The following SPATA6 variants were observed in gnomAD, a reference collection of about 807,000 sequenced individuals.
The protein encoded by SPATA6 is spermatogenesis-associated protein 6.
A neutral mutation model predicts 65.3 loss-of-function variants in SPATA6; 56 were observed. The ratio of observed to expected loss-of-function variants is 0.86; its 90% CI spans 0.69 to 1.07. The LOEUF (loss-of-function observed/expected upper bound fraction) is 1.07, where lower values mean the gene tolerates loss of function less well. SPATA6 is among the 50% of genes least tolerant of loss of function. The pLI is 0.00. For synonymous variants in SPATA6, 199 were observed against 213.2 expected (o/e 0.93, Z 0.58); for missense variants, 590 against 594.8 (o/e 0.99, Z 0.08).
intron 11 of SPATA6, among the ~76,000 whole-genome samples, chr1:48,314,201 T>C (rs1645326834): frequency 6.6e-6 from 1 of 152,184 alleles, no homozygotes; most frequent in African/African-American, 2.4e-5. Flanking sequence ...CTAATAGACA[T>C]CTACAGAACT....
chr1:48,319,495 A>G (rs1645537509), intron 11 of SPATA6, among the ~76,000 whole-genome samples: 1 of 152,174 alleles, frequency 6.6e-6, no homozygotes, highest in Admixed American at 6.5e-5. Flanking sequence ...TAACACTTCA[A>G]GTAGATTGTC....
At chr1:48,290,351 A>C in the SPATA6 span, among the ~76,000 whole-genome samples, 1 of 152,222 alleles carries the variant, frequency 6.6e-6, no homozygotes, top group East Asian at 1.9e-4. Flanking sequence ...TGAAGGAAGC[A>C]CTAAACATCG....
rs1644809170 is a variant in SPATA6 at position 48,296,142 on chromosome 1, T to C, written c.*2571A>G. 1 of 151,868 alleles carries C rather than the reference T, an allele frequency of 6.6e-6. No individual in the cohort carries two copies. Among genetic ancestry groups the C allele is most frequent in the Admixed American group, 6.5e-5 (1 of 15,270 alleles). 9.4% of individuals were successfully genotyped at this position (151,868 alleles called of 1,614,324 possible). A position where few individuals can be genotyped will look rare whatever the true frequency, so the allele number is the denominator to read the frequency against. The stretch of plus-strand genomic sequence containing the variant: ...ATTAACTCCAATAATTATTTCTAGA[T>C]TTGTGGGAAATACAGGAAAAAAAAA... On this transcript the variant is annotated 3_prime_UTR_variant, in exon 13 of 13. Coordinates refer to ENST00000371847, the MANE Select transcript of SPATA6 (RefSeq NM_019073.4).
At chr1:48,438,416 C>G (rs1275250715) in intron 3 of SPATA6, among the ~76,000 whole-genome samples, 1 of 152,194 alleles carries the variant, frequency 6.6e-6, no homozygotes, top group Non-Finnish European at 1.5e-5. Context: ...GGACTAAAGA[C>G]CCAGTTGTCA....
rs141398777 is a variant in SPATA6, at chr1:48,403,366, T to C, written c.486+436A>G. Among the ~76,000 whole-genome samples the C allele has an allele frequency of 2.9e-3, 441 of 152,210 alleles. 2 individuals carry two copies. Among genetic ancestry groups the C allele is most frequent in the African/African-American group, 0.01 (424 of 41,548 alleles). On this transcript the variant is annotated intron_variant, in intron 6 of 12. Transcript: ENST00000371847. Reference sequence around the variant, plus strand: ...GAAATCAGAGACAGTCAAGAAACCATACTCACTAAACACCAGTATCCCAGT... The same window carrying C: ...GAAATCAGAGACAGTCAAGAAACCACACTCACTAAACACCAGTATCCCAGT...
chr1:48,439,790 A>G (rs184636443), intron 3 of SPATA6, among the ~76,000 whole-genome samples: 169 of 152,280 alleles, frequency 1.1e-3, no homozygotes, highest in African/African-American at 4.0e-3. Flanking sequence ...CACTGGGACC[A>G]ATTTGACCCG....
chr1:48,305,149 T>G (rs1645030580), intron 12 of SPATA6, among the ~76,000 whole-genome samples: 1 of 152,192 alleles, frequency 6.6e-6, no homozygotes, highest in South Asian at 2.1e-4. Context: ...GAGATTTGAA[T>G]GCAAAACCCA....
Position 48,399,573 on chromosome 1 carries a change from T to G in SPATA6, c.558A>C (p.Ser186=), listed in dbSNP as rs564179442. The G allele has an allele frequency of 8.7e-6, 14 of 1,612,928 alleles. No homozygotes were observed. In the South Asian group the frequency reaches 1.2e-4, roughly 14 times the overall value. Residue 186 remains serine, a synonymous_variant, in exon 7 of 13, where the codon TCA becomes TCC. Transcript: ENST00000371847. Reference sequence around the variant, plus strand: ...CAGGTGACTTGGATTTTTTCTTTTGTGATCTTGATGTTCTGTTTTGCAGTC... The same window carrying G: ...CAGGTGACTTGGATTTTTTCTTTTGGGATCTTGATGTTCTGTTTTGCAGTC... ...HGRLQNRTSR[S]QKKKSKSPER...
chr1:48,422,304 G>A (rs74075862), intron 3 of SPATA6, among the ~76,000 whole-genome samples: 1,582 of 152,288 alleles, frequency 0.01, 30 homozygotes, highest in African/African-American at 0.037. Flanking sequence ...AGATCTGGGA[G>A]AAGGCAAAGC....
chr1:48,452,558 A>G (rs761364088), intron 2 of SPATA6, among the ~76,000 whole-genome samples: 1 of 151,872 alleles, frequency 6.6e-6, no homozygotes, highest in Non-Finnish European at 1.5e-5. Context: ...TATTTTTTGT[A>G]TTTTTAGAAC....
chr1:48,351,718 G>T (rs991582160), intron 11 of SPATA6, among the ~76,000 whole-genome samples: 10 of 151,822 alleles, frequency 6.6e-5, no homozygotes, highest in Admixed American at 1.3e-4. Context: ...CATTCATGAG[G>T]GCCATTGGTC....
intron 11 of SPATA6, among the ~76,000 whole-genome samples, chr1:48,350,594 A>T (rs577201657): frequency 6.6e-6 from 1 of 151,884 alleles, no homozygotes; most frequent in Non-Finnish European, 1.5e-5. Context: ...AGGGGCTTTT[A>T]AAAAAAATCT....
chr1:48,367,594 T>C (rs904776297), intron 9 of SPATA6, among the ~76,000 whole-genome samples: 11 of 152,098 alleles, frequency 7.2e-5, no homozygotes, highest in African/African-American at 2.4e-4. Context: ...TTAAAGTCTG[T>C]TTTATCAGAG....
At chr1:48,267,278 G>A in the SPATA6 span, among the ~76,000 whole-genome samples, 5 of 152,246 alleles carry the variant, frequency 3.3e-5, no homozygotes, top group African/African-American at 1.2e-4. Flanking sequence ...AGCTCCTGAA[G>A]CCCCAGTGGG....
chr1:48,471,828 C>T, intron 1 of SPATA6, 130 bp downstream of exon 1: 3 of 1,068,154 alleles, frequency 2.8e-6, no homozygotes, highest in South Asian at 1.3e-5. Flanking sequence ...ACCGAAGGGG[C>T]GTGAGGTCGA....
At chr1:48,379,966 A>AAT (rs1243994738) in intron 9 of SPATA6, among the ~76,000 whole-genome samples, 1 of 152,268 alleles carries the variant, frequency 6.6e-6, no homozygotes, top group Non-Finnish European at 1.5e-5. Context: ...AGTAATAGAT[A>AAT]CATTAAGTAG....
At chr1:48,391,203 GA>G (rs34715593) in intron 8 of SPATA6, among the ~76,000 whole-genome samples, 102,562 of 108,468 alleles carry the variant, frequency 0.95, 48,489 homozygotes, top group South Asian at 0.98. Flanking sequence ...AATCTCTACA[GA>G]AAAAAAAAAA....
the SPATA6 span, among the ~76,000 whole-genome samples, chr1:48,270,241 G>A: frequency 6.6e-6 from 1 of 152,048 alleles, no homozygotes; most frequent in South Asian, 2.1e-4. Flanking sequence ...GCATTGATGT[G>A]CCTTTCATAC....
chr1:48,404,999 G>A (rs1013878644), intron 5 of SPATA6, among the ~76,000 whole-genome samples: 4 of 152,172 alleles, frequency 2.6e-5, no homozygotes, highest in Non-Finnish European at 5.9e-5. Context: ...AAAGTATTAG[G>A]TTGGTGCACA....
Sources: allele counts gnomAD v4.1 joint callset (sites outside exome capture counted in the v4.1 genomes callset), GRCh38; gene constraint gnomAD v4.1.1; transcripts MANE v1.5; gene names NCBI Gene and HGNC (gene_info 2026-07-23, HGNC 2026-07-21).